The following VPS54 variants were observed in gnomAD, a reference collection of about 807,000 sequenced individuals.
VPS54 encodes the protein vacuolar protein sorting-associated protein 54.
In VPS54, 45 loss-of-function variants were observed where a neutral mutation model predicts 121.5. That is an observed-to-expected ratio of 0.37 (90% CI 0.29 to 0.47). The LOEUF (loss-of-function observed/expected upper bound fraction) is 0.47. Among genes scored for constraint, VPS54 ranks in the 20% least tolerant of loss-of-function variants. The pLI, the probability that VPS54 is intolerant of heterozygous loss-of-function variation, is 0.99. For synonymous variants in VPS54, 371 were observed against 385.8 expected (o/e 0.96, Z 0.45); for missense variants, 1,090 against 1,131.4 (o/e 0.96, Z 0.52).
chr2:63,971,415 CAT>C (rs1207647391), intron 4 of VPS54, among the ~76,000 whole-genome samples: 1 of 152,200 alleles, frequency 6.6e-6, no homozygotes, highest in Non-Finnish European at 1.5e-5. Context: ...CTTACCACAG[CAT>C]ATAAGGTTCT....
chr2:63,933,097 C>T (rs756782725), intron 12 of VPS54, among the ~76,000 whole-genome samples: 16 of 152,096 alleles, frequency 1.1e-4, no homozygotes, highest in Non-Finnish European at 1.0e-4. Flanking sequence ...AAAGTATTAA[C>T]ACCTGGGGAA....
chr2:63,969,408 C>A (rs1559029150), intron 4 of VPS54, among the ~76,000 whole-genome samples: 1 of 152,098 alleles, frequency 6.6e-6, no homozygotes, highest in Admixed American at 6.6e-5. Context: ...CTGAGCTCCA[C>A]CTTCTGTCAG....
At chr2:63,933,527 TAG>T in intron 12 of VPS54, 144 bp downstream of exon 12, 1 of 697,030 alleles carries the variant, frequency 1.4e-6, no homozygotes, top group East Asian at 2.8e-5. Context: ...TACATTTTTA[TAG>T]AGATACGTTT....
At chr2:64,001,138 C>G (rs1265061915) in intron 1 of VPS54, among the ~76,000 whole-genome samples, 2 of 152,194 alleles carry the variant, frequency 1.3e-5, no homozygotes, top group Non-Finnish European at 2.9e-5. Flanking sequence ...GGCAGAGGAG[C>G]CTCACCCTGT....
intron 20 of VPS54, among the ~76,000 whole-genome samples, chr2:63,900,220 CAAAAAAA>C (rs70965149): frequency 1.3e-4 from 8 of 63,388 alleles, no homozygotes; most frequent in African/African-American, 5.4e-4. Flanking sequence ...AACTCTGTCT[CAAAAAAA>C]AAAAAAAAAA....
chr2:64,014,861 T>G (rs1055923780), intron 1 of VPS54, among the ~76,000 whole-genome samples: 5 of 152,194 alleles, frequency 3.3e-5, no homozygotes, highest in African/African-American at 1.2e-4. Context: ...AAGGTATGGA[T>G]GATAAATAGC....
rs1674579779 is a variant in VPS54, at chr2:63,938,696, C to G, written c.1398+3769G>C. Among the ~76,000 whole-genome samples the G allele has an allele frequency of 3.3e-5, 5 of 152,248 alleles. No individual in the cohort carries two copies. In the South Asian group the frequency reaches 1.0e-3, roughly 32 times the overall value. On this transcript the variant is annotated intron_variant, in intron 11 of 22. Coordinates refer to ENST00000272322, the MANE Select transcript of VPS54 (RefSeq NM_016516.3). ...GCCCGGCTGGTCTCAAATTCCTGAC[C>G]TCAGGTGATCCACCCACCTCAGCCT... is the stretch of plus-strand genomic sequence containing the variant.
At chr2:64,010,950 T>G (rs1272274427) in intron 1 of VPS54, among the ~76,000 whole-genome samples, 1 of 152,212 alleles carries the variant, frequency 6.6e-6, no homozygotes, top group Non-Finnish European at 1.5e-5. Flanking sequence ...TCATATGGCA[T>G]TTATGAAACC....
intron 1 of VPS54, among the ~76,000 whole-genome samples, chr2:64,005,751 C>A (rs1049341669): frequency 6.6e-6 from 1 of 152,150 alleles, no homozygotes; most frequent in African/African-American, 2.4e-5. Context: ...GACAAACTCA[C>A]CCCGGTTGAG....
At chr2:63,894,992 C>T (rs1326701771) in intron 22 of VPS54, among the ~76,000 whole-genome samples, 17 of 152,082 alleles carry the variant, frequency 1.1e-4, no homozygotes, top group Non-Finnish European at 1.5e-5. Context: ...TACTTAGCTT[C>T]ATCTGGAATG....
chr2:63,939,041 C>T (rs977629178), intron 11 of VPS54, among the ~76,000 whole-genome samples: 3 of 152,146 alleles, frequency 2.0e-5, no homozygotes, highest in African/African-American at 7.2e-5. Flanking sequence ...ATTATTTATC[C>T]ATTCAAAATA....
intron 6 of VPS54, among the ~76,000 whole-genome samples, chr2:63,964,574 C>T (rs576594148): frequency 1.3e-5 from 2 of 152,234 alleles, no homozygotes; most frequent in African/African-American, 4.8e-5. Context: ...CCATGGTTTT[C>T]GTCAGATTTA....
At chr2:63,961,814 TATCTC>T (rs1306741426) in intron 7 of VPS54, among the ~76,000 whole-genome samples, 2 of 152,318 alleles carry the variant, frequency 1.3e-5, no homozygotes, top group East Asian at 3.9e-4. Flanking sequence ...GCCTTGCATT[TATCTC>T]ATCTCCTAGA....
chr2:63,920,712 C>T, intron 13 of VPS54, 85 bp from the exon 14 acceptor site: 1 of 736,462 alleles, frequency 1.4e-6, no homozygotes, highest in Non-Finnish European at 1.9e-6. Context: ...TTATTATAAT[C>T]TATATATTTT....
intron 2 of VPS54, 83 bp from the exon 3 acceptor site, chr2:63,981,970 GCA>G (rs759888739): frequency 5.3e-5 from 75 of 1,423,860 alleles, no homozygotes; most frequent in African/African-American, 2.5e-4. Flanking sequence ...AACTAAAAAT[GCA>G]CAGATTCCAT....
intron 15 of VPS54, among the ~76,000 whole-genome samples, chr2:63,917,848 C>T (rs1241456457): frequency 6.6e-6 from 1 of 151,920 alleles, no homozygotes; most frequent in African/African-American, 2.4e-5. Context: ...GCTATGTAAC[C>T]TTAGACAAGT....
intron 1 of VPS54, among the ~76,000 whole-genome samples, chr2:63,999,901 C>G (rs977197044): frequency 6.6e-6 from 1 of 152,112 alleles, no homozygotes; most frequent in Non-Finnish European, 1.5e-5. Context: ...CGCCCTGTCA[C>G]CCAGACTAGA....
At chr2:64,017,070 G>T (rs143381105) in intron 1 of VPS54, among the ~76,000 whole-genome samples, 1 of 147,624 alleles carries the variant, frequency 6.8e-6, no homozygotes, top group Non-Finnish European at 1.5e-5. Flanking sequence ...GGGCCGGGGC[G>T]GTGGCTCACA....
At chr2:63,949,846 C>T (rs1277215205) in intron 7 of VPS54, among the ~76,000 whole-genome samples, 1 of 152,156 alleles carries the variant, frequency 6.6e-6, no homozygotes, top group African/African-American at 2.4e-5. Context: ...CCTTCTTTCA[C>T]CATTTGCTTT....
Sources: gnomAD v4.1 joint callset for allele counts (sites outside exome capture counted in the v4.1 genomes callset) on GRCh38, gnomAD v4.1.1 for gene constraint, MANE v1.5 for transcripts, NCBI Gene and HGNC (gene_info 2026-07-23, HGNC 2026-07-21) for gene names.